The following GLRA3 variants were observed in gnomAD, a reference collection of about 807,000 sequenced individuals.
The protein encoded by GLRA3 is glycine receptor subunit alpha-3.
A neutral mutation model predicts 60.4 loss-of-function variants in GLRA3; 44 were observed. That is an observed-to-expected ratio of 0.73 (90% CI 0.57 to 0.94). GLRA3 has a LOEUF of 0.94. GLRA3 is among the 40% of genes least tolerant of loss of function. GLRA3 has a pLI of 0.00. For missense variants in GLRA3, 508 were observed against 564.6 expected, an observed-to-expected ratio of 0.90 and a Z score of 1.02; for synonymous variants, 223 against 192.9, an observed-to-expected ratio of 1.16 and a Z score of -1.29.
intron 3 of GLRA3, among the ~76,000 whole-genome samples, chr4:174,764,873 T>G (rs1216984722): frequency 1.3e-5 from 2 of 152,014 alleles, no homozygotes; most frequent in Non-Finnish European, 2.9e-5. Context: ...TTAATAAATA[T>G]TGAATCTGAT....
At chr4:174,666,695 A>G (rs1039804223) in intron 7 of GLRA3, among the ~76,000 whole-genome samples, 2 of 149,062 alleles carry the variant, frequency 1.3e-5, no homozygotes, top group South Asian at 4.2e-4. Flanking sequence ...TTGCAAAATT[A>G]TCATTAGAAA....
chr4:174,748,938 G>A (rs1379278395), intron 3 of GLRA3, among the ~76,000 whole-genome samples: 1 of 152,152 alleles, frequency 6.6e-6, no homozygotes, highest in African/African-American at 2.4e-5. Context: ...GTGGGAGATT[G>A]AGACAAAGCC....
At chr4:174,796,544 CTT>C (rs879577825) in intron 1 of GLRA3, among the ~76,000 whole-genome samples, 2 of 144,702 alleles carry the variant, frequency 1.4e-5, no homozygotes, top group Admixed American at 7.0e-5. Context: ...TTCTTTCTTT[CTT>C]TTTTTTTTTT....
In GLRA3 at chr4:174,646,846, A is replaced by C. The variant is rs1021197066; in HGVS notation, c.1117-2782T>G. ...GACAATTGGAACCTCAAATCTCAGC[A>C]GTGGTGGACAGAAGCTGACCAGGCT... On this transcript the variant is annotated intron_variant, in intron 9 of 9. Coordinates refer to ENST00000274093, the MANE Select transcript of GLRA3 (RefSeq NM_006529.4). Among the ~76,000 whole-genome samples, 4 of 152,306 alleles carry C rather than the reference A, an allele frequency of 2.6e-5. No individual in the cohort carries two copies. The East Asian group carries it at 7.7e-4, about 29-fold the overall frequency.
chr4:174,661,638 C>T (rs905248871), intron 7 of GLRA3, among the ~76,000 whole-genome samples: 1 of 152,138 alleles, frequency 6.6e-6, no homozygotes, highest in African/African-American at 2.4e-5. Flanking sequence ...CCCCAATGGC[C>T]CCACTGGCCT....
chr4:174,799,244 A>G (rs1009667515), intron 1 of GLRA3, among the ~76,000 whole-genome samples: 15 of 152,360 alleles, frequency 9.8e-5, no homozygotes, highest in South Asian at 2.1e-4. Flanking sequence ...TAGAAAAGTT[A>G]GTAATTTTTC....
intron 2 of GLRA3, among the ~76,000 whole-genome samples, chr4:174,776,795 A>C (rs1738622252): frequency 6.6e-6 from 1 of 152,186 alleles, no homozygotes; most frequent in African/African-American, 2.4e-5. Flanking sequence ...CAAGCAAATA[A>C]ACATACAAAA....
chr4:174,750,997 C>T (rs1015320679), intron 3 of GLRA3, among the ~76,000 whole-genome samples: 1 of 151,962 alleles, frequency 6.6e-6, no homozygotes, highest in Non-Finnish European at 1.5e-5. Flanking sequence ...CTATCTAGGA[C>T]AGTTTCAAAA....
chr4:174,821,363 A>G (rs959157210), intron 1 of GLRA3, among the ~76,000 whole-genome samples: 4 of 152,168 alleles, frequency 2.6e-5, no homozygotes, highest in African/African-American at 9.7e-5. Context: ...AAAATTCAAA[A>G]TAAATAAATA....
intron 3 of GLRA3, among the ~76,000 whole-genome samples, chr4:174,730,198 G>T (rs1374305644): frequency 2.0e-5 from 3 of 152,170 alleles, no homozygotes; most frequent in Admixed American, 6.5e-5. Flanking sequence ...GGGGATATGT[G>T]AACAAGCTTC....
Position 174,682,951 on chromosome 4 carries a change from A to G in GLRA3, c.575-12T>C, listed in dbSNP as rs771335204. ...CATTGTGTACCCAACTAGGCAAAAC[A>G]TAATAAAAATATGAATAGTCTAAAA... On this transcript the variant is annotated splice_polypyrimidine_tract_variant and intron_variant, in intron 5 of 9. Coordinates refer to ENST00000274093, the MANE Select transcript of GLRA3 (RefSeq NM_006529.4). The G allele has an allele frequency of 2.4e-5, 39 of 1,602,700 alleles. No individual in the cohort carries two copies. The highest frequency in any genetic ancestry group is 3.2e-5 in the Non-Finnish European group (38 of 1,171,342).
chr4:174,732,310 A>C (rs948274646), intron 3 of GLRA3, among the ~76,000 whole-genome samples: 1 of 151,618 alleles, frequency 6.6e-6, no homozygotes, highest in South Asian at 2.1e-4. Context: ...AGCCGAGATC[A>C]CGCCTCTGCA....
intron 3 of GLRA3, among the ~76,000 whole-genome samples, chr4:174,765,148 C>T (rs1738091247): frequency 6.6e-6 from 1 of 151,078 alleles, no homozygotes; most frequent in South Asian, 2.1e-4. Context: ...TTTGCAATAT[C>T]CTGCAAGCTT....
chr4:174,800,195 G>T (rs1006378954), intron 1 of GLRA3, among the ~76,000 whole-genome samples: 2 of 151,870 alleles, frequency 1.3e-5, no homozygotes, highest in Admixed American at 1.3e-4. Flanking sequence ...GAAAGATAGA[G>T]AATAGACTTG....
chr4:174,812,814 T>G (rs2111373995), intron 1 of GLRA3, among the ~76,000 whole-genome samples: 1 of 152,320 alleles, frequency 6.6e-6, no homozygotes, highest in South Asian at 2.1e-4. Context: ...CTCACCTTTC[T>G]CTCCTTTTCT....
chr4:174,674,486 A>G lies in GLRA3; in HGVS notation c.927+2592T>C, dbSNP rs144985798. Among the ~76,000 whole-genome samples the G allele has an allele frequency of 3.5e-3, 539 of 152,276 alleles. 2 individuals are homozygous for G. The highest frequency in any genetic ancestry group is 0.012 in the African/African-American group (479 of 41,554). ...TCATGACATTGTAGAGGCTGATGCA[A>G]TAGAAAATATCAGAGAGGAATATCA... On this transcript the variant is annotated intron_variant, in intron 7 of 9. Transcript: ENST00000274093.
chr4:174,644,042 C>T lies in GLRA3; in HGVS notation c.1139G>A (p.Arg380Gln), dbSNP rs145802010. ...CATTCCATAGGCTGTGAAGCTGAAT[C>T]GGCTTTCCCTTACCTCATCATCCTG... ...SDMDDEVRES[R>Q]FSFTAYGMGP... The change falls in exon 10 of 10, where the codon CGA (arginine) becomes CAA (glutamine). Residue 380 changes from arginine (R) to glutamine (Q), a missense_variant. By Grantham distance (43) the Arg-to-Gln change is conservative (BLOSUM62 1). This residue lies in a region of GLRA3 where 176 missense variants were observed against 197.9 expected (regional missense o/e 0.89). Coordinates refer to ENST00000274093, the MANE Select transcript of GLRA3 (RefSeq NM_006529.4). 11 of 1,612,832 alleles carry T rather than the reference C, an allele frequency of 6.8e-6. No individual in the cohort carries two copies. The highest frequency in any genetic ancestry group is 3.3e-5 in the Admixed American group (2 of 59,936).
intron 4 of GLRA3, among the ~76,000 whole-genome samples, chr4:174,717,432 T>C (rs976889042): frequency 6.6e-6 from 1 of 152,138 alleles, no homozygotes; most frequent in Non-Finnish European, 1.5e-5. Context: ...CAAAAAATAG[T>C]CTGCAGCTCT....
chr4:174,809,515 T>C (rs1159583113), intron 1 of GLRA3, among the ~76,000 whole-genome samples: 1 of 152,112 alleles, frequency 6.6e-6, no homozygotes, highest in East Asian at 1.9e-4. Context: ...GGTGGATCAC[T>C]GAAGGTCAGG....
Sources: gnomAD v4.1 joint callset for allele counts (sites outside exome capture counted in the v4.1 genomes callset) on GRCh38, gnomAD v4.1.1 for gene constraint, gnomAD v4.1.1 regional missense constraint, MANE v1.5 for transcripts, NCBI Gene and HGNC (gene_info 2026-07-23, HGNC 2026-07-21) for gene names.